MGA: variants seen among roughly 807,000 people sequenced by gnomAD.
MGA encodes MAX dimerization protein MGA.
In MGA, 40 loss-of-function variants were observed where a neutral mutation model predicts 261.1. The observed-to-expected ratio is 0.15, with a 90% CI of 0.12 to 0.20. The LOEUF (loss-of-function observed/expected upper bound fraction) is 0.20. MGA is among the 10% of genes least tolerant of loss of function. The pLI is 1.00. For missense variants in MGA, 3,397 were observed against 3,630.5 expected (o/e 0.94, Z 1.65); for synonymous variants, 1,302 against 1,290.6 (o/e 1.01, Z -0.19).
In MGA at chr15:41,710,694, G is replaced by A. The variant is rs751900774; in HGVS notation, c.2429G>A (p.Gly810Glu). ...TTTTATGTTTTCTTATTTCTAGGTG[G>A]AAATTCAGAAAGTTCACTGAAAAAT... The change falls in exon 8 of 24, where the codon GGA becomes GAA. Residue 810 changes from glycine to glutamate, a missense_variant. Physicochemically the swap from Gly to Glu is moderately conservative, Grantham distance 98. Transcript: ENST00000219905. 1 of 1,595,014 alleles carries A rather than the reference G, an allele frequency of 6.3e-7. No homozygotes were observed. The highest frequency in any genetic ancestry group is 8.5e-7 in the Non-Finnish European group (1 of 1,172,388).
chr15:41,711,428 T>C (rs1272142652), intron 8 of MGA, 79 bp downstream of exon 8: 2 of 1,400,754 alleles, frequency 1.4e-6, no homozygotes, highest in Non-Finnish European at 9.5e-7. Context: ...ATGGGAATGG[T>C]ACTTTTTGGC....
At chr15:41,756,700 C>T (rs768625475) in intron 18 of MGA, among the ~76,000 whole-genome samples, 1 of 152,062 alleles carries the variant, frequency 6.6e-6, no homozygotes, top group Non-Finnish European at 1.5e-5. Flanking sequence ...ACAATTAAAA[C>T]AATTGGAATT....
In MGA at chr15:41,733,288, T is replaced by TA. The variant is rs200983766; in HGVS notation, c.3844-1224dup. 4.1e-3 allele frequency among the ~76,000 whole-genome samples: 613 copies of TA among 149,954 alleles called. 7 individuals are homozygous for TA. The South Asian group carries it at 0.046, about 11-fold the overall frequency. On this transcript the variant is annotated intron_variant, in intron 11 of 23. Coordinates refer to ENST00000219905, the MANE Select transcript of MGA (RefSeq NM_001164273.2). The stretch of plus-strand genomic sequence containing the variant: ...TCTACTTTCTTAACTTGCTTTCACT[T>TA]AAAAAAAAAATTGGAACTAAGGAAA...
chr15:41,752,155 C>G (rs2062870430), intron 17 of MGA: 1 of 152,184 alleles, frequency 6.6e-6, no homozygotes, highest in Non-Finnish European at 1.5e-5. Context: ...GCTTCAGCCT[C>G]CTGAGTAGCT....
chr15:41,749,945 A>G lies in MGA; in HGVS notation c.6338A>G (p.Lys2113Arg). The G allele has an allele frequency of 6.2e-7, 1 of 1,613,784 alleles. No homozygotes were observed. Among genetic ancestry groups the G allele is most frequent in the Non-Finnish European group, 8.5e-7 (1 of 1,179,842 alleles). ...CAGCATCAAAAACTTGGTGATGTGA[A>G]GGTGGAACAGCAGAAAGGATTTGAC... Residue 2113 changes from lysine to arginine, a missense_variant, in exon 17 of 24, where the codon AAG becomes AGG. Coordinates refer to ENST00000219905, the MANE Select transcript of MGA (RefSeq NM_001164273.2).
chr15:41,651,277 C>G (rs2057036073), intron 1 of MGA, among the ~76,000 whole-genome samples: 1 of 152,168 alleles, frequency 6.6e-6, no homozygotes, highest in Non-Finnish European at 1.5e-5. Context: ...AGATTCAGAC[C>G]ATAGTACTTA....
At chr15:41,637,373 G>A (rs2056732490) in intron 1 of MGA, among the ~76,000 whole-genome samples, 2 of 152,204 alleles carry the variant, frequency 1.3e-5, no homozygotes, top group East Asian at 1.9e-4. Context: ...GACTTTGCAA[G>A]TTGTTTTGGT....
At chr15:41,694,390 C>T (rs941195058) in intron 2 of MGA, among the ~76,000 whole-genome samples, 2 of 151,676 alleles carry the variant, frequency 1.3e-5, no homozygotes, top group African/African-American at 4.8e-5. Context: ...AGAGCAAGAC[C>T]CCATCTCAGG....
At chr15:41,695,258 G>T (rs1441097858) in intron 2 of MGA, among the ~76,000 whole-genome samples, 1 of 151,300 alleles carries the variant, frequency 6.6e-6, no homozygotes, top group South Asian at 2.1e-4. Flanking sequence ...GCACAATCTC[G>T]GCTCTCTGCA....
At chr15:41,682,565 C>T (rs904542738) in intron 2 of MGA, among the ~76,000 whole-genome samples, 2 of 152,166 alleles carry the variant, frequency 1.3e-5, no homozygotes, top group African/African-American at 4.8e-5. Context: ...ACTGCAACCT[C>T]TGCCACCTGG....
At chr15:41,676,412 C>T (rs959195842) in intron 2 of MGA, among the ~76,000 whole-genome samples, 10 of 152,184 alleles carry the variant, frequency 6.6e-5, no homozygotes, top group Non-Finnish European at 1.0e-4. Flanking sequence ...CCTTGGCCTC[C>T]CCAAGTGCCG....
intron 9 of MGA, among the ~76,000 whole-genome samples, chr15:41,722,638 A>G (rs1381377462): frequency 6.6e-6 from 1 of 152,194 alleles, no homozygotes; most frequent in African/African-American, 2.4e-5. Context: ...TGAGCTGTAT[A>G]CTGTTTATGT....
At chr15:41,754,343 CATT>C in intron 17 of MGA, 91 bp from the exon 18 acceptor site, 2 of 1,125,298 alleles carry the variant, frequency 1.8e-6, no homozygotes, top group South Asian at 1.9e-5. Flanking sequence ...GAATGTCTGG[CATT>C]AGTTGGTTTT....
At chr15:41,752,827 G>A (rs1442619430) in intron 17 of MGA, among the ~76,000 whole-genome samples, 1 of 152,180 alleles carries the variant, frequency 6.6e-6, no homozygotes, top group East Asian at 1.9e-4. Flanking sequence ...CAAAAGTGCT[G>A]GGATTACAGG....
intron 2 of MGA, among the ~76,000 whole-genome samples, chr15:41,670,902 T>C (rs995663272): frequency 2.0e-5 from 3 of 152,208 alleles, no homozygotes; most frequent in African/African-American, 7.2e-5. Flanking sequence ...AATTCACAAA[T>C]ATTAGATACA....
chr15:41,655,552 T>A (rs984091990), upstream of MGA, among the ~76,000 whole-genome samples: 6 of 152,328 alleles, frequency 3.9e-5, no homozygotes, highest in East Asian at 7.7e-4. Context: ...TACTTTTTTT[T>A]ATTTTGTTGT....
At chr15:41,721,455 G>A (rs1015143528) in intron 9 of MGA, among the ~76,000 whole-genome samples, 2 of 152,100 alleles carry the variant, frequency 1.3e-5, no homozygotes, top group Admixed American at 6.6e-5. Context: ...GAGATAGAAC[G>A]AGACTCTGTC....
Position 41,748,694 on chromosome 15 carries a change from G to T in MGA, c.5270G>T (p.Arg1757Leu). ...CAGGTCTCTCCTAACACAGTGAAAC[G>T]TGCTGGACCTCGATTGTTGTTGATT... Residue 1757 changes from arginine (R) to leucine (L), a missense_variant, in exon 16 of 24, where the codon CGT becomes CTT. This residue lies in a region of MGA where 1,410 missense variants were observed against 1,386.4 expected (regional missense o/e 1.02). Coordinates refer to ENST00000219905, the MANE Select transcript of MGA (RefSeq NM_001164273.2). The T allele has an allele frequency of 6.2e-7, 1 of 1,613,858 alleles. No individual in the cohort carries two copies. The highest frequency in any genetic ancestry group is 1.3e-5 in the African/African-American group (1 of 75,018).
At chr15:41,672,737 G>C (rs1289102489) in intron 2 of MGA, among the ~76,000 whole-genome samples, 1 of 152,162 alleles carries the variant, frequency 6.6e-6, no homozygotes, top group Non-Finnish European at 1.5e-5. Flanking sequence ...ATTTTAGTAT[G>C]TATACAAGAA....
Sources: allele counts gnomAD v4.1 joint callset (sites outside exome capture counted in the v4.1 genomes callset), GRCh38; gene constraint gnomAD v4.1.1; regional missense constraint gnomAD v4.1.1; transcripts MANE v1.5; gene names NCBI Gene and HGNC (gene_info 2026-07-23, HGNC 2026-07-21).